The following CNTN5 variants were observed in gnomAD, a reference collection of about 807,000 sequenced individuals.
CNTN5 encodes the protein contactin 5.
Under a neutral mutation model 129.1 loss-of-function variants are expected in CNTN5, and 77 were observed. That is an observed-to-expected ratio of 0.60 (90% CI 0.50 to 0.72). The LOEUF is 0.72. Ranked by LOEUF, CNTN5 falls within the 30% of genes least tolerant of loss-of-function variation. CNTN5 has a pLI of 0.00. For missense variants in CNTN5, 1,478 were observed against 1,328.8 expected (o/e 1.11, Z -1.75); for synonymous variants, 509 against 465.6 (o/e 1.09, Z -1.20).
At chr11:99,482,008 C>A (rs12796963) in intron 2 of CNTN5, among the ~76,000 whole-genome samples, 1 of 152,118 alleles carries the variant, frequency 6.6e-6, no homozygotes, top group Admixed American at 6.5e-5. Context: ...TGATACCTTG[C>A]TAAGGTTCAA....
At chr11:100,260,042 C>T (rs183006660) in intron 17 of CNTN5, among the ~76,000 whole-genome samples, 1 of 151,950 alleles carries the variant, frequency 6.6e-6, no homozygotes, top group East Asian at 1.9e-4. Context: ...ATAGATAAAC[C>T]ACTAGCCAGA....
intron 8 of CNTN5, among the ~76,000 whole-genome samples, chr11:99,958,820 A>G (rs10501938): frequency 0.032 from 4,901 of 152,266 alleles, 222 homozygotes; most frequent in East Asian, 0.22. Flanking sequence ...AATTAATTCC[A>G]TTTTCACTAT....
chr11:99,664,124 A>G (rs1371843236), intron 3 of CNTN5, among the ~76,000 whole-genome samples: 1 of 152,146 alleles, frequency 6.6e-6, no homozygotes, highest in Non-Finnish European at 1.5e-5. Context: ...TATGTCTTTC[A>G]GTTTGTACTC....
intron 1 of CNTN5, among the ~76,000 whole-genome samples, chr11:99,311,170 G>A (rs544220003): frequency 4.0e-5 from 6 of 151,874 alleles, no homozygotes; most frequent in Admixed American, 2.0e-4. Context: ...CTTGTGATCC[G>A]CCCGCCTCGG....
At chr11:99,025,963 C>G (rs1034873163) in intron 1 of CNTN5, among the ~76,000 whole-genome samples, 1 of 151,554 alleles carries the variant, frequency 6.6e-6, no homozygotes, top group Non-Finnish European at 1.5e-5. Flanking sequence ...CAGTTACATG[C>G]AAGAACTTAC....
chr11:99,046,113 T>G (rs1864195381), intron 1 of CNTN5, among the ~76,000 whole-genome samples: 1 of 151,976 alleles, frequency 6.6e-6, no homozygotes, highest in Admixed American at 6.6e-5. Flanking sequence ...CCAAGGTGGG[T>G]GGATTGCTTG....
At chr11:99,510,836 A>G (rs1946808147) in intron 2 of CNTN5, among the ~76,000 whole-genome samples, 1 of 152,162 alleles carries the variant, frequency 6.6e-6, no homozygotes, top group Non-Finnish European at 1.5e-5. Flanking sequence ...CCTTTCAGAT[A>G]TTTTTTATAA....
chr11:100,334,033 C>T (rs1243667100), intron 21 of CNTN5, among the ~76,000 whole-genome samples: 3 of 152,170 alleles, frequency 2.0e-5, no homozygotes, highest in African/African-American at 7.2e-5. Flanking sequence ...ACAGTCTATA[C>T]ATCCAACAAA....
At chr11:99,310,662 G>T (rs979167389) in intron 1 of CNTN5, among the ~76,000 whole-genome samples, 4 of 152,178 alleles carry the variant, frequency 2.6e-5, no homozygotes, top group African/African-American at 9.6e-5. Flanking sequence ...AAGTATTTTT[G>T]TGATACTTTT....
intron 24 of CNTN5, among the ~76,000 whole-genome samples, chr11:100,355,713 G>A (rs1302688111): frequency 6.6e-6 from 1 of 151,528 alleles, no homozygotes; most frequent in African/African-American, 2.4e-5. Flanking sequence ...AGTCCATGGT[G>A]GACTGAAATG....
Position 100,119,042 on chromosome 11 carries a change from C to CAA in CNTN5, c.1580+44757_1580+44758dup, listed in dbSNP as rs5794038. On this transcript the variant is annotated intron_variant, in intron 13 of 24. Transcript: ENST00000524871. ...TAGTCTCCTTTTTAAAAGACTGGTT[C>CAA]AAAAAAAAAACAAAAAAGAATATAC... is the stretch of plus-strand genomic sequence containing the variant. Among the ~76,000 whole-genome samples, 666 of 142,720 alleles carry CAA rather than the reference C, an allele frequency of 4.7e-3. 2 individuals carry two copies. Among genetic ancestry groups the CAA allele is most frequent in the Non-Finnish European group, 6.2e-3 (402 of 64,460 alleles). The allele number at this position is 142,720 out of a possible 152,430, so 93.6% of individuals were successfully genotyped here.
At chr11:99,204,271 C>A (rs1859361804) in intron 1 of CNTN5, among the ~76,000 whole-genome samples, 1 of 152,164 alleles carries the variant, frequency 6.6e-6, no homozygotes, top group African/African-American at 2.4e-5. Context: ...TTTTTAAATT[C>A]TTGACAGAAT....
chr11:99,266,108 C>G (rs890960583), intron 1 of CNTN5, among the ~76,000 whole-genome samples: 8 of 152,000 alleles, frequency 5.3e-5, no homozygotes, highest in African/African-American at 1.9e-4. Context: ...GGTGTTTGAT[C>G]TGTTTCTGGA....
At chr11:99,806,667 T>A (rs1946280213) in intron 3 of CNTN5, among the ~76,000 whole-genome samples, 1 of 151,494 alleles carries the variant, frequency 6.6e-6, no homozygotes, top group African/African-American at 2.4e-5. Flanking sequence ...ATTAGTCAGG[T>A]GTGGTGGCGC....
intron 13 of CNTN5, among the ~76,000 whole-genome samples, chr11:100,126,584 T>A (rs1054547327): frequency 6.6e-5 from 10 of 152,114 alleles, no homozygotes; most frequent in South Asian, 6.2e-4. Context: ...TTGTTTTATC[T>A]GATATAAGAA....
intron 13 of CNTN5, among the ~76,000 whole-genome samples, chr11:100,162,072 A>G (rs577680477): frequency 6.6e-6 from 1 of 151,854 alleles, no homozygotes; most frequent in African/African-American, 2.4e-5. Context: ...TGAATAGGGA[A>G]GAGTCTGGGC....
At chr11:99,315,038 T>G (rs1865283375) in intron 1 of CNTN5, among the ~76,000 whole-genome samples, 1 of 148,288 alleles carries the variant, frequency 6.7e-6, no homozygotes, top group Non-Finnish European at 1.5e-5. Flanking sequence ...CAGACCAAAC[T>G]TTAAGTAGCA....
At chr11:100,063,050 C>A (rs1943545511) in intron 10 of CNTN5, among the ~76,000 whole-genome samples, 1 of 152,044 alleles carries the variant, frequency 6.6e-6, no homozygotes, top group Non-Finnish European at 1.5e-5. Context: ...GTAAAGCATG[C>A]CTGTTACTCT....
At chr11:99,588,159 C>T (rs1003712223) in intron 3 of CNTN5, among the ~76,000 whole-genome samples, 2 of 151,984 alleles carry the variant, frequency 1.3e-5, no homozygotes, top group African/African-American at 2.4e-5. Flanking sequence ...CTGGCTAACA[C>T]GGTGAAACCC....
Sources: gnomAD v4.1 joint callset for allele counts (sites outside exome capture counted in the v4.1 genomes callset) on GRCh38, gnomAD v4.1.1 for gene constraint, MANE v1.5 for transcripts, NCBI Gene and HGNC (gene_info 2026-07-23, HGNC 2026-07-21) for gene names.